Variants in STK33 observed in about 807,000 individuals in gnomAD.
STK33 encodes the protein serine/threonine-protein kinase 33.
Under a neutral mutation model 58.0 loss-of-function variants are expected in STK33, and 52 were observed. The observed-to-expected ratio is 0.90, with a 90% CI of 0.72 to 1.13. The LOEUF (loss-of-function observed/expected upper bound fraction) is 1.13, where lower values mean the gene tolerates loss of function less well. Among genes scored for constraint, STK33 ranks in the 50% most tolerant of loss-of-function variants. The pLI is 0.00. For synonymous variants in STK33, 215 were observed against 200.1 expected, an observed-to-expected ratio of 1.07 and a Z score of -0.63; for missense variants, 630 against 604.2, an observed-to-expected ratio of 1.04 and a Z score of -0.45.
intron 1 of STK33, among the ~76,000 whole-genome samples, chr11:8,553,326 T>C (rs185707658): frequency 2.7e-5 from 4 of 149,898 alleles, no homozygotes; most frequent in South Asian, 2.1e-4. Flanking sequence ...CATTATGTAC[T>C]TTACATAAGT....
At chr11:8,365,173 G>A in the STK33 span, among the ~76,000 whole-genome samples, 6 of 152,338 alleles carry the variant, frequency 3.9e-5, no homozygotes, top group South Asian at 1.0e-3. Context: ...GGGCCACTCA[G>A]CTGCCCTCCA....
At chr11:8,349,769 C>G in the STK33 span, among the ~76,000 whole-genome samples, 2 of 152,230 alleles carry the variant, frequency 1.3e-5, no homozygotes, top group Non-Finnish European at 2.9e-5. Flanking sequence ...ATGCTACCCT[C>G]GAGGGGACTG....
At chr11:8,512,325 G>A (rs1449207142) in intron 1 of STK33, among the ~76,000 whole-genome samples, 1 of 111,052 alleles carries the variant, frequency 9.0e-6, no homozygotes, top group Non-Finnish European at 1.9e-5. Context: ...GAAATAGAGG[G>A]TAGATATACA....
At chr11:8,512,099 T>C (rs12282183) in intron 1 of STK33, among the ~76,000 whole-genome samples, 13,688 of 151,846 alleles carry the variant, frequency 0.09, 1,403 homozygotes, top group African/African-American at 0.26. Flanking sequence ...ATTATGCTCA[T>C]AGATAAAACA....
intron 1 of STK33, among the ~76,000 whole-genome samples, chr11:8,492,723 A>G (rs916601386): frequency 5.3e-5 from 8 of 152,226 alleles, no homozygotes; most frequent in African/African-American, 9.6e-5. Flanking sequence ...CAAATGTAAA[A>G]GAACAGAAAT....
chr11:8,399,058 C>T (rs7120955), intron 15 of STK33, among the ~76,000 whole-genome samples: 29,380 of 151,994 alleles, frequency 0.19, 3,213 homozygotes, highest in African/African-American at 0.29. Context: ...GACAGATCAA[C>T]GAGACAGAAA....
chr11:8,542,113 C>G (rs1955566180), intron 1 of STK33, among the ~76,000 whole-genome samples: 1 of 152,098 alleles, frequency 6.6e-6, no homozygotes, highest in Admixed American at 6.5e-5. Flanking sequence ...CTCATAGGTA[C>G]AAAGTACTTT....
intron 1 of STK33, among the ~76,000 whole-genome samples, chr11:8,501,185 A>C (rs1328262069): frequency 2.0e-5 from 3 of 152,202 alleles, no homozygotes; most frequent in Non-Finnish European, 4.4e-5. Context: ...CAAAGGAAAA[A>C]TAGATACATG....
chr11:8,425,985 G>T (rs766351818), intron 14 of STK33, among the ~76,000 whole-genome samples: 21 of 152,176 alleles, frequency 1.4e-4, no homozygotes, highest in Non-Finnish European at 2.4e-4. Context: ...TGTGTTACAG[G>T]GTGTTCTTTT....
chr11:8,562,993 G>A (rs186397471), intron 1 of STK33, among the ~76,000 whole-genome samples: 1 of 152,210 alleles, frequency 6.6e-6, no homozygotes, highest in Admixed American at 6.5e-5. Context: ...CAAGTGTTAT[G>A]GATTAGATTA....
intron 1 of STK33, among the ~76,000 whole-genome samples, chr11:8,486,147 C>T (rs910082651): frequency 2.6e-5 from 4 of 152,148 alleles, no homozygotes; most frequent in African/African-American, 9.7e-5. Flanking sequence ...TTTCTCCATA[C>T]TCTAGCCAGA....
intron 1 of STK33, among the ~76,000 whole-genome samples, chr11:8,535,299 G>T (rs1954908659): frequency 6.6e-6 from 1 of 152,008 alleles, no homozygotes; most frequent in African/African-American, 2.4e-5. Context: ...GTATCACTGG[G>T]TTCTACACAG....
intron 5 of STK33, among the ~76,000 whole-genome samples, chr11:8,473,864 C>A (rs766386192): frequency 6.6e-6 from 1 of 152,170 alleles, no homozygotes; most frequent in Non-Finnish European, 1.5e-5. Context: ...ATCTTACACA[C>A]TGCCTATTCT....
chr11:8,470,439 T>C (rs1948668803), intron 6 of STK33, among the ~76,000 whole-genome samples: 1 of 152,238 alleles, frequency 6.6e-6, no homozygotes, highest in Non-Finnish European at 1.5e-5. Flanking sequence ...TTTTCCAAAA[T>C]CAAACTTTCT....
At chr11:8,419,694 T>A (rs755397174) in intron 14 of STK33, among the ~76,000 whole-genome samples, 5 of 152,226 alleles carry the variant, frequency 3.3e-5, no homozygotes, top group African/African-American at 9.6e-5. Context: ...TTTAATGATA[T>A]TGATTCTTCC....
chr11:8,519,978 C>A (rs1465204558), intron 1 of STK33, among the ~76,000 whole-genome samples: 3 of 152,180 alleles, frequency 2.0e-5, no homozygotes, highest in Admixed American at 2.0e-4. Flanking sequence ...AGAAAATCCT[C>A]CCTAGCTCAT....
At chr11:8,397,978 C>T (rs973492384) in intron 15 of STK33, among the ~76,000 whole-genome samples, 11 of 152,166 alleles carry the variant, frequency 7.2e-5, no homozygotes, top group Admixed American at 5.9e-4. Flanking sequence ...ACCAAGTCTA[C>T]GTCTGATTGG....
intron 1 of STK33, among the ~76,000 whole-genome samples, chr11:8,584,418 A>G (rs1234953901): frequency 2.0e-5 from 3 of 152,204 alleles, no homozygotes; most frequent in Non-Finnish European, 2.9e-5. Context: ...AACTGGATAC[A>G]TTAAGGATGG....
chr11:8,584,053 A>G (rs1344210927), intron 1 of STK33, among the ~76,000 whole-genome samples: 1 of 151,748 alleles, frequency 6.6e-6, no homozygotes, highest in Non-Finnish European at 1.5e-5. Context: ...CAGTACAGTC[A>G]CTGCCTGTTA....
Sources: gnomAD v4.1 joint callset for allele counts (sites outside exome capture counted in the v4.1 genomes callset) on GRCh38, gnomAD v4.1.1 for gene constraint, MANE v1.5 for transcripts, NCBI Gene and HGNC (gene_info 2026-07-23, HGNC 2026-07-21) for gene names.